The following DLGAP3 variants were observed in gnomAD, a reference collection of about 807,000 sequenced individuals.
The protein encoded by DLGAP3 is disks large-associated protein 3.
DLGAP3 carries 17 observed loss-of-function variants against 81.2 expected under a neutral mutation model. The ratio of observed to expected loss-of-function variants is 0.21; its 90% CI spans 0.14 to 0.31. The LOEUF (loss-of-function observed/expected upper bound fraction) is 0.31. Among genes scored for constraint, DLGAP3 ranks in the 10% least tolerant of loss-of-function variants. The pLI is 1.00. For missense variants in DLGAP3, 1,124 were observed against 1,388.0 expected (o/e 0.81, Z 3.02); for synonymous variants, 577 against 587.4 (o/e 0.98, Z 0.26).
In DLGAP3 at chr1:34,866,194, C is replaced by T; in HGVS notation, c.2829G>A (p.Ala943=). 6.3e-7 allele frequency: 1 copy of T among 1,589,976 alleles called. No individual in the cohort carries two copies. ...GCTTGGCCGCCAGGAGCCGCTTGCG[C>T]GCTTCCTGCCGCTGCCGGTCCACGG... ...LDSVDRQRQE[A]RKRLLAAKRA... is the part of the protein sequence containing the mutation. Residue 943 remains alanine (A), a synonymous_variant, in exon 12 of 12, where the codon GCG becomes GCA. Coordinates refer to ENST00000373347, the MANE Select transcript of DLGAP3 (RefSeq NM_001080418.3).
rs1638870733 is a variant in DLGAP3 at position 34,866,061 on chromosome 1, C to T, written c.*22G>A. ...CGGGTGGAGAACCGCGGGCCCGGGCCGGGCTGGGCGGGCCGGACCGGTCAC... is the reference window on the plus strand; with the variant it reads ...CGGGTGGAGAACCGCGGGCCCGGGCTGGGCTGGGCGGGCCGGACCGGTCAC... On this transcript the variant is annotated 3_prime_UTR_variant, in exon 12 of 12. Transcript: ENST00000373347. 2 of 1,580,994 alleles carry T rather than the reference C, an allele frequency of 1.3e-6. No homozygotes were observed. The highest frequency in any genetic ancestry group is 1.7e-6 in the Non-Finnish European group (2 of 1,168,390).
At chr1:34,927,520 G>A (rs1639893001) in intron 1 of DLGAP3, among the ~76,000 whole-genome samples, 1 of 152,200 alleles carries the variant, frequency 6.6e-6, no homozygotes, top group Non-Finnish European at 1.5e-5. Flanking sequence ...GGCCCTGCCT[G>A]CCAGATCAGT....
At chr1:34,927,383 C>T (rs1330371144) in intron 1 of DLGAP3, among the ~76,000 whole-genome samples, 1 of 152,150 alleles carries the variant, frequency 6.6e-6, no homozygotes, top group African/African-American at 2.4e-5. Flanking sequence ...CTTGGGGCTT[C>T]AGAGTCCCCG....
At chr1:34,927,418 A>G (rs2148423344) in intron 1 of DLGAP3, among the ~76,000 whole-genome samples, 1 of 152,224 alleles carries the variant, frequency 6.6e-6, no homozygotes, top group Non-Finnish European at 1.5e-5. Flanking sequence ...GGTTGGACCA[A>G]GTCAATACTA....
At chr1:34,885,196 G>A (rs1050931576) in intron 7 of DLGAP3, 133 bp from the exon 8 acceptor site, 16 of 922,954 alleles carry the variant, frequency 1.7e-5, no homozygotes, top group Middle Eastern at 6.2e-4. Flanking sequence ...TGAACAAGAT[G>A]AGAGACCCAG....
At position 34,868,463 on chromosome 1, in the gene DLGAP3, C is replaced by T. The variant is rs1638920220; in HGVS notation, c.2485+142G>A. 9.6e-6 allele frequency: 7 copies of T among 730,590 alleles called. No individual in the cohort carries two copies. Among genetic ancestry groups the T allele is most frequent in the East Asian group, 2.7e-5 (1 of 37,544 alleles). 45.3% of individuals were successfully genotyped at this position (730,590 alleles called of 1,614,324 possible). A position where few individuals can be genotyped will look rare whatever the true frequency, so the allele number is the denominator to read the frequency against. On this transcript the variant is annotated intron_variant, in intron 9 of 11. Coordinates refer to ENST00000373347, the MANE Select transcript of DLGAP3 (RefSeq NM_001080418.3). The surrounding 1 kb of genome is among the most constrained non-coding windows in gnomAD (Gnocchi z 7.5). ...TCTTGCTGCCGATGTTGACCCGCCA[C>T]GCTCCAGTGCAGAAGACCAGTGAGG...
intron 2 of DLGAP3, 93 bp from the exon 3 acceptor site, chr1:34,905,527 T>C (rs1310458940): frequency 1.2e-6 from 1 of 845,518 alleles, no homozygotes; most frequent in Non-Finnish European, 1.8e-6. Context: ...CTTTAGGTAA[T>C]ACATATCAAT....
At chr1:34,914,325 A>G (rs1203795516) in intron 1 of DLGAP3, among the ~76,000 whole-genome samples, 1 of 152,138 alleles carries the variant, frequency 6.6e-6, no homozygotes, top group Non-Finnish European at 1.5e-5. Context: ...CTTTTCTGTC[A>G]ACTGAACCAA....
At chr1:34,916,149 A>G (rs917170128) in intron 1 of DLGAP3, among the ~76,000 whole-genome samples, 10 of 152,190 alleles carry the variant, frequency 6.6e-5, no homozygotes, top group African/African-American at 1.9e-4. Context: ...GCATAGAGAA[A>G]CAGGGAGAAA....
intron 5 of DLGAP3, among the ~76,000 whole-genome samples, chr1:34,896,992 A>G (rs1639388733): frequency 6.6e-6 from 1 of 152,192 alleles, no homozygotes; most frequent in African/African-American, 2.4e-5. Flanking sequence ...CTCTCAAGCA[A>G]TTATCAGAAT....
chr1:34,894,885 G>A (rs1639360665), intron 5 of DLGAP3, among the ~76,000 whole-genome samples: 1 of 152,092 alleles, frequency 6.6e-6, no homozygotes, highest in Admixed American at 6.5e-5. Context: ...AAAATACTGG[G>A]CAATAAGTCC....
chr1:34,918,691 C>T (rs186125834), intron 1 of DLGAP3, among the ~76,000 whole-genome samples: 80 of 152,312 alleles, frequency 5.3e-4, no homozygotes, highest in Non-Finnish European at 8.7e-4. Context: ...GCACCATCCC[C>T]GACTTGAGGG....
chr1:34,908,182 C>G (rs1394347706), intron 1 of DLGAP3, among the ~76,000 whole-genome samples: 1 of 152,272 alleles, frequency 6.6e-6, no homozygotes, highest in Non-Finnish European at 1.5e-5. Flanking sequence ...CAGCACCTAA[C>G]TCAGGGCTTT....
intron 5 of DLGAP3, among the ~76,000 whole-genome samples, chr1:34,898,616 C>G (rs544593260): frequency 1.3e-5 from 2 of 152,312 alleles, no homozygotes; most frequent in South Asian, 2.1e-4. Context: ...GTAAAAATAG[C>G]TAACCTTTAT....
chr1:34,904,315 C>G lies in DLGAP3; in HGVS notation c.1069G>C (p.Glu357Gln), dbSNP rs1639506615. Residue 357 changes from glutamate to glutamine, a missense_variant, in exon 3 of 12, where the codon GAG (glutamate) becomes CAG (glutamine). Coordinates refer to ENST00000373347, the MANE Select transcript of DLGAP3 (RefSeq NM_001080418.3). The surrounding 1 kb of genome is among the most constrained non-coding windows in gnomAD (Gnocchi z 8.1). ...TAAGTCCTGGCTTTGGCCTTGGTCT[C>G]CGGACCCAGGAGCCCCTTGCCTGGC... ...AGPGKGLLGP[E>Q]TKAKARTYHY... is the part of the protein sequence containing the mutation. The G allele has an allele frequency of 6.2e-7, 1 of 1,608,968 alleles. No individual in the cohort carries two copies. Among genetic ancestry groups the G allele is most frequent in the East Asian group, 2.2e-5 (1 of 44,882 alleles).
In DLGAP3 at chr1:34,899,539, T is replaced by G. The variant is rs557653217; in HGVS notation, c.1386+130A>C. ...CAGCTCCAGGAGTCCTAAGGCAGGT[T>G]TCCCAGTTTCCCCAGAGCCAGGCCT... On this transcript the variant is annotated intron_variant, in intron 5 of 11. Transcript: ENST00000373347. 3.3e-5 allele frequency: 28 copies of G among 852,074 alleles called. No homozygotes were observed. In the East Asian group the frequency reaches 6.8e-4, roughly 21 times the overall value. The allele number at this position is 852,074 out of a possible 1,614,324, so 52.8% of individuals were successfully genotyped here. A position where few individuals can be genotyped will look rare whatever the true frequency, so the allele number is the denominator to read the frequency against.
At chr1:34,905,916 G>GGATCACTTGAGCACAAGAGCTCAAA (rs1553123718) in intron 2 of DLGAP3, among the ~76,000 whole-genome samples, 2 of 150,420 alleles carry the variant, frequency 1.3e-5, no homozygotes, top group Non-Finnish European at 3.0e-5. Context: ...TGAGAAGGGA[G>GGATCACTTGAGCACAAGAGCTCAAA]GATCACTTGA....
Position 34,876,396 on chromosome 1 carries a change from CAG to C in DLGAP3, c.2001-7309_2001-7308del, listed in dbSNP as rs569867667. 1.8e-3 allele frequency among the ~76,000 whole-genome samples: 273 copies of C among 152,294 alleles called. 2 individuals are homozygous for C. Among genetic ancestry groups the C allele is most frequent in the African/African-American group, 6.1e-3 (252 of 41,560 alleles). ...TAAAACCAAATTACAGAGAGAGAAA[CAG>C]ATACTGGGATGAGCGAGACAGCAGT... On this transcript the variant is annotated intron_variant, in intron 8 of 11. Transcript: ENST00000373347.
At chr1:34,909,035 C>A (rs1302734632) in intron 1 of DLGAP3, among the ~76,000 whole-genome samples, 7 of 152,238 alleles carry the variant, frequency 4.6e-5, no homozygotes, top group African/African-American at 1.4e-4. Context: ...CTGCCCCAGG[C>A]AGGACCCATA....
Sources: allele counts gnomAD v4.1 joint callset (sites outside exome capture counted in the v4.1 genomes callset), GRCh38; gene constraint gnomAD v4.1.1; non-coding constraint Gnocchi (gnomAD v3.1); transcripts MANE v1.5; gene names NCBI Gene and HGNC (gene_info 2026-07-23, HGNC 2026-07-21).